The following KANK1 variants were observed in gnomAD, a reference collection of about 807,000 sequenced individuals.
KANK1 encodes KN motif and ankyrin repeat domains 1.
Under a neutral mutation model 106.2 loss-of-function variants are expected in KANK1, and 109 were observed. The observed-to-expected ratio is 1.03, with a 90% CI of 0.88 to 1.20. KANK1 has a LOEUF of 1.20. Among genes scored for constraint, KANK1 ranks in the 50% most tolerant of loss-of-function variants. KANK1 has a pLI of 0.00. For synonymous variants in KANK1, 873 were observed against 652.2 expected, an observed-to-expected ratio of 1.34 and a Z score of -5.16; for missense variants, 2,399 against 1,710.7, an observed-to-expected ratio of 1.40 and a Z score of -7.10.
At chr9:552,111 C>T (rs552897639) in intron 1 of KANK1, among the ~76,000 whole-genome samples, 2 of 152,182 alleles carry the variant, frequency 1.3e-5, no homozygotes, top group African/African-American at 2.4e-5. Context: ...TAGGCAAGTA[C>T]GGCATTCTTG....
At chr9:691,246 A>G (rs1399444532) in intron 2 of KANK1, among the ~76,000 whole-genome samples, 1 of 152,112 alleles carries the variant, frequency 6.6e-6, no homozygotes, top group African/African-American at 2.4e-5. Flanking sequence ...ATTGACTTTG[A>G]CTGCTTTATG....
At chr9:539,462 C>G (rs972307932) in intron 1 of KANK1, 2 of 152,036 alleles carry the variant, frequency 1.3e-5, no homozygotes, top group African/African-American at 4.8e-5. Flanking sequence ...GATCTTTCAC[C>G]TCCTTGGTTA....
chr9:667,148 T>G (rs1321695762), intron 1 of KANK1, among the ~76,000 whole-genome samples: 1 of 152,028 alleles, frequency 6.6e-6, no homozygotes, highest in East Asian at 1.9e-4. Flanking sequence ...TGTCGAGGTT[T>G]TCTCTTTCTT....
chr9:531,541 A>G (rs1325171982), intron 1 of KANK1, among the ~76,000 whole-genome samples: 1 of 152,228 alleles, frequency 6.6e-6, no homozygotes, highest in East Asian at 1.9e-4. Flanking sequence ...ACAATTGCAA[A>G]GCAAAACTCA....
At chr9:514,039 T>A (rs1395386114) in intron 1 of KANK1, among the ~76,000 whole-genome samples, 2 of 151,456 alleles carry the variant, frequency 1.3e-5, no homozygotes, top group Non-Finnish European at 2.9e-5. Flanking sequence ...AAATGAAACA[T>A]AAATACTGTA....
In KANK1 at chr9:582,498, A is replaced by G. The variant is rs543448943; in HGVS notation, c.-84+77744A>G. ...TCTACCAGCCTCACTCACACTGTGC[A>G]CTTTTGCCCTCAGAATCCTCAGTGG... On this transcript the variant is annotated intron_variant, in intron 1 of 11. Transcript: ENST00000382297. Among the ~76,000 whole-genome samples, 6 of 152,266 alleles carry G rather than the reference A, an allele frequency of 3.9e-5. No homozygotes were observed. The South Asian group carries it at 6.2e-4, about 16-fold the overall frequency.
chr9:607,528 A>AAC (rs1352468040), intron 1 of KANK1, among the ~76,000 whole-genome samples: 1 of 151,030 alleles, frequency 6.6e-6, no homozygotes, highest in African/African-American at 2.5e-5. Context: ...ATGCTTGTTA[A>AAC]ACACTGTTTC....
intron 1 of KANK1, among the ~76,000 whole-genome samples, chr9:586,663 G>C (rs530612355): frequency 6.6e-6 from 1 of 152,134 alleles, no homozygotes; most frequent in East Asian, 1.9e-4. Context: ...AAAATAGAGT[G>C]GTATGCATGT....
intron 2 of KANK1, chr9:684,454 A>G: frequency 1.0e-6 from 1 of 985,466 alleles, no homozygotes; most frequent in East Asian, 1.1e-4. Context: ...TCGCTGTGTT[A>G]AGAACTCGAG....
chr9:682,960 C>T (rs929397204), intron 2 of KANK1, among the ~76,000 whole-genome samples: 1 of 152,156 alleles, frequency 6.6e-6, no homozygotes, highest in South Asian at 2.1e-4. Context: ...TCAAACAGAA[C>T]TCTGAGCCCA....
chr9:577,534 C>T (rs377061881), intron 1 of KANK1, among the ~76,000 whole-genome samples: 12 of 152,256 alleles, frequency 7.9e-5, no homozygotes, highest in Admixed American at 1.3e-4. Flanking sequence ...TCTCCAAGTC[C>T]GCACCCGACC....
At chr9:582,579 A>G (rs1822446684) in intron 1 of KANK1, among the ~76,000 whole-genome samples, 1 of 152,110 alleles carries the variant, frequency 6.6e-6, no homozygotes, top group Non-Finnish European at 1.5e-5. Flanking sequence ...TTTTGCCATT[A>G]TTTCAGATGC....
intron 3 of KANK1, among the ~76,000 whole-genome samples, chr9:723,288 A>C (rs1399597664): frequency 6.6e-6 from 1 of 152,204 alleles, no homozygotes; most frequent in African/African-American, 2.4e-5. Flanking sequence ...CTAGTTTACA[A>C]AAGTAAGCTG....
chr9:630,217 C>T (rs909830092), intron 1 of KANK1, among the ~76,000 whole-genome samples: 1 of 151,512 alleles, frequency 6.6e-6, no homozygotes, highest in Non-Finnish European at 1.5e-5. Flanking sequence ...CACTGCATTC[C>T]AGCCTGGGCA....
At chr9:608,964 C>A (rs1250250958) in intron 1 of KANK1, among the ~76,000 whole-genome samples, 4 of 152,138 alleles carry the variant, frequency 2.6e-5, no homozygotes, top group Non-Finnish European at 2.9e-5. Flanking sequence ...CGTATACTCA[C>A]GCTTGTTGTT....
At chr9:507,816 A>G (rs779411059) in intron 1 of KANK1, among the ~76,000 whole-genome samples, 5 of 151,962 alleles carry the variant, frequency 3.3e-5, no homozygotes, top group Admixed American at 2.0e-4. Flanking sequence ...TCGGCCTCTC[A>G]AAGTGTCAGG....
intron 1 of KANK1, among the ~76,000 whole-genome samples, chr9:619,462 C>G (rs1305683659): frequency 6.6e-6 from 1 of 152,054 alleles, no homozygotes; most frequent in Non-Finnish European, 1.5e-5. Context: ...GGCCCAGTTG[C>G]TTTAAATTTT....
intron 1 of KANK1, among the ~76,000 whole-genome samples, chr9:656,712 C>T (rs891534954): frequency 6.6e-6 from 1 of 152,130 alleles, no homozygotes; most frequent in Admixed American, 6.5e-5. Flanking sequence ...ATGTGCTTGT[C>T]CTAGCAGGAG....
At chr9:595,679 C>G (rs1032898953) in intron 1 of KANK1, among the ~76,000 whole-genome samples, 4 of 151,732 alleles carry the variant, frequency 2.6e-5, no homozygotes, top group African/African-American at 9.7e-5. Context: ...GAATGCACCA[C>G]CACATCTGGC....
Sources: allele counts gnomAD v4.1 joint callset (sites outside exome capture counted in the v4.1 genomes callset), GRCh38; gene constraint gnomAD v4.1.1; transcripts MANE v1.5; gene names NCBI Gene and HGNC (gene_info 2026-07-23, HGNC 2026-07-21).